GMDS: variants seen among roughly 807,000 people sequenced by gnomAD.
The protein encoded by GMDS is GDP-mannose 4,6 dehydratase.
Under a neutral mutation model 49.9 loss-of-function variants are expected in GMDS, and 20 were observed. That is an observed-to-expected ratio of 0.40 (90% CI 0.28 to 0.58). GMDS has a LOEUF of 0.58. Among genes scored for constraint, GMDS ranks in the 20% least tolerant of loss-of-function variants. The probability of loss-of-function intolerance (pLI) is 0.42; values close to 1 mark genes in which losing one functional copy is unlikely to be tolerated. For synonymous variants in GMDS, 177 were observed against 178.6 expected (o/e 0.99, Z 0.07); for missense variants, 362 against 481.4 (o/e 0.75, Z 2.32).
chr6:2,039,380 C>T (rs752074164), intron 4 of GMDS, among the ~76,000 whole-genome samples: 1 of 152,202 alleles, frequency 6.6e-6, no homozygotes, highest in South Asian at 2.1e-4. Flanking sequence ...GAGCACTGTA[C>T]ACTTAGGCTA....
At chr6:1,848,080 T>C (rs1757494357) in intron 7 of GMDS, among the ~76,000 whole-genome samples, 1 of 152,140 alleles carries the variant, frequency 6.6e-6, no homozygotes, top group African/African-American at 2.4e-5. Flanking sequence ...TGCTGTTAGT[T>C]TGTCTCCAAA....
At chr6:1,828,369 A>G (rs543792695) in intron 7 of GMDS, among the ~76,000 whole-genome samples, 217 of 152,322 alleles carry the variant, frequency 1.4e-3, no homozygotes, top group Non-Finnish European at 1.8e-3. Flanking sequence ...AAGGGGCCAG[A>G]AAGTGTATTT....
chr6:2,000,009 T>TATATATATATA (rs1491273695), intron 4 of GMDS, among the ~76,000 whole-genome samples: 3 of 6,050 alleles, frequency 5.0e-4, no homozygotes, highest in Non-Finnish European at 1.4e-3. Context: ...TATATATATA[T>TATATATATATA]TTTTTATATA....
chr6:1,653,583 T>C (rs1396476579), intron 9 of GMDS, among the ~76,000 whole-genome samples: 1 of 152,142 alleles, frequency 6.6e-6, no homozygotes, highest in Non-Finnish European at 1.5e-5. Context: ...CACAACAGTG[T>C]GGAACCAGCA....
chr6:1,875,050 A>G (rs1758962188), intron 7 of GMDS, among the ~76,000 whole-genome samples: 1 of 152,194 alleles, frequency 6.6e-6, no homozygotes, highest in Non-Finnish European at 1.5e-5. Flanking sequence ...TTGGCTTAGA[A>G]TATTTTTTTG....
chr6:2,031,749 G>A lies in GMDS; in HGVS notation c.346-70783C>T, dbSNP rs141887505. Among the ~76,000 whole-genome samples, 613 of 152,342 alleles carry A rather than the reference G, an allele frequency of 4.0e-3. 8 individuals are homozygous for A. The highest frequency in any genetic ancestry group is 0.014 in the African/African-American group (581 of 41,584). On this transcript the variant is annotated intron_variant, in intron 4 of 10. Transcript: ENST00000380815. ...ACTGCCCCAGAGGCCAGGCAGCTGA[G>A]GAGCAGAGTGACTGTGGGCAAGCCT...
chr6:1,980,807 A>C (rs1289634662), intron 4 of GMDS, among the ~76,000 whole-genome samples: 1 of 152,184 alleles, frequency 6.6e-6, no homozygotes, highest in African/African-American at 2.4e-5. Context: ...ACTCCTCAGG[A>C]AATGTAAAAG....
intron 4 of GMDS, among the ~76,000 whole-genome samples, chr6:1,970,623 G>A (rs1053511868): frequency 6.6e-6 from 1 of 152,218 alleles, no homozygotes; most frequent in Non-Finnish European, 1.5e-5. Flanking sequence ...TGGGTGTCGA[G>A]TAGACAGAGG....
chr6:1,839,968 T>C (rs1191740535), intron 7 of GMDS, among the ~76,000 whole-genome samples: 1 of 152,198 alleles, frequency 6.6e-6, no homozygotes, highest in Non-Finnish European at 1.5e-5. Flanking sequence ...ATCAACTTTA[T>C]TGAGGTATGA....
intron 1 of GMDS, among the ~76,000 whole-genome samples, chr6:2,135,351 G>A (rs539446628): frequency 1.3e-5 from 2 of 152,218 alleles, no homozygotes; most frequent in East Asian, 3.9e-4. Context: ...ATCCGTGAGT[G>A]AGTGTGTGCA....
intron 1 of GMDS, among the ~76,000 whole-genome samples, chr6:2,146,316 G>A (rs552931889): frequency 4.6e-5 from 7 of 152,222 alleles, no homozygotes; most frequent in Non-Finnish European, 1.0e-4. Flanking sequence ...ATATGAAGGT[G>A]GTTAAGTTCC....
chr6:1,758,373 G>A (rs940564138), intron 7 of GMDS, among the ~76,000 whole-genome samples: 3 of 152,150 alleles, frequency 2.0e-5, no homozygotes, highest in Non-Finnish European at 2.9e-5. Context: ...GGCACTTGAC[G>A]TTTGAATGCC....
chr6:2,071,172 T>C (rs181512181), intron 4 of GMDS, among the ~76,000 whole-genome samples: 1 of 152,216 alleles, frequency 6.6e-6, no homozygotes. Context: ...AGATGTTAAC[T>C]GGATCAAAAC....
At chr6:1,765,759 TG>T (rs1389752031) in intron 7 of GMDS, among the ~76,000 whole-genome samples, 1 of 152,194 alleles carries the variant, frequency 6.6e-6, no homozygotes, top group Non-Finnish European at 1.5e-5. Flanking sequence ...AAACATGTCC[TG>T]TGCCAGATTC....
chr6:2,241,148 T>C (rs909787956), intron 1 of GMDS, among the ~76,000 whole-genome samples: 1 of 152,304 alleles, frequency 6.6e-6, no homozygotes, highest in East Asian at 1.9e-4. Flanking sequence ...GGGGCACAGC[T>C]GGCCTGGCAC....
intron 7 of GMDS, among the ~76,000 whole-genome samples, chr6:1,790,839 A>C (rs1769513165): frequency 6.6e-6 from 1 of 152,254 alleles, no homozygotes; most frequent in South Asian, 2.1e-4. Context: ...AGGCTGAGTA[A>C]TGCCTCCCAA....
chr6:1,823,943 C>T (rs1770999018), intron 7 of GMDS, among the ~76,000 whole-genome samples: 1 of 152,132 alleles, frequency 6.6e-6, no homozygotes, highest in Non-Finnish European at 1.5e-5. Context: ...TAACTGAGCA[C>T]CTTCACTGGG....
chr6:2,207,629 G>A (rs1343783381), intron 1 of GMDS, among the ~76,000 whole-genome samples: 1 of 151,910 alleles, frequency 6.6e-6, no homozygotes. Context: ...TTCCTAGGAC[G>A]GTTTTGTTCC....
At position 1,742,390 on chromosome 6, in the gene GMDS, G is replaced by C. The variant is rs552395650; in HGVS notation, c.890+78C>G. ...AGGAGAGTGAAGGGGGAAGATGACA[G>C]CCAGAACCGAGGCTTCAGCAAGCTC... On this transcript the variant is annotated intron_variant, in intron 8 of 10. Coordinates refer to ENST00000380815, the MANE Select transcript of GMDS (RefSeq NM_001500.4). 4 of 780,294 alleles carry C rather than the reference G, an allele frequency of 5.1e-6. No individual in the cohort carries two copies. The South Asian group carries it at 6.2e-5, about 12-fold the overall frequency. The allele number at this position is 780,294 out of a possible 1,614,324, so 48.3% of individuals were successfully genotyped here. A position where few individuals can be genotyped will look rare whatever the true frequency, so the allele number is the denominator to read the frequency against.
Sources: gnomAD v4.1 joint callset for allele counts (sites outside exome capture counted in the v4.1 genomes callset) on GRCh38, gnomAD v4.1.1 for gene constraint, MANE v1.5 for transcripts, NCBI Gene and HGNC (gene_info 2026-07-23, HGNC 2026-07-21) for gene names.